The following KCNQ1 variants were observed in gnomAD, a reference collection of about 807,000 sequenced individuals.
KCNQ1 encodes potassium voltage-gated channel subfamily Q member 1.
KCNQ1 carries 49 observed loss-of-function variants against 72.4 expected under a neutral mutation model. That is an observed-to-expected ratio of 0.68 (90% CI 0.54 to 0.86). KCNQ1 has a LOEUF of 0.86. Among genes scored for constraint, KCNQ1 ranks in the 40% least tolerant of loss-of-function variants. The pLI is 0.00. For synonymous variants in KCNQ1, 450 were observed against 412.6 expected (o/e 1.09, Z -1.10); for missense variants, 790 against 945.1 (o/e 0.84, Z 2.15).
rs1849919910 is a variant in KCNQ1, at chr11:2,659,877, T to C, written c.1394-2084T>C. The stretch of plus-strand genomic sequence containing the variant: ...TCATGTGCTTATTTATAATCCATTT[T>C]TAAAATTGGATTGTTCACTTTATTG... On this transcript the variant is annotated intron_variant, in intron 10 of 15. Transcript: ENST00000155840. This position sits in a 1 kb window ranked among gnomAD's most constrained non-coding sequence, Gnocchi z 4.3. 1 of 398,362 alleles carries C rather than the reference T, an allele frequency of 2.5e-6. No individual in the cohort carries two copies. Among genetic ancestry groups the C allele is most frequent in the African/African-American group, 2.1e-5 (1 of 48,640 alleles). The allele number at this position is 398,362 out of a possible 1,614,324, so 24.7% of individuals were successfully genotyped here.
Position 2,592,723 on chromosome 11 carries a change from C to T in KCNQ1, c.1393+3869C>T, listed in dbSNP as rs574823389. Among the ~76,000 whole-genome samples, 1 of 152,306 alleles carries T rather than the reference C, an allele frequency of 6.6e-6. No homozygotes were observed. The highest frequency in any genetic ancestry group is 2.1e-4 in the South Asian group (1 of 4,828). ...CATTGTCTGTGCCCAGCCTGGGGAG[C>T]CTGACACTCACAGCCCGGCTGCTGC... is the stretch of plus-strand genomic sequence containing the variant. On this transcript the variant is annotated intron_variant, in intron 10 of 15. Transcript: ENST00000155840. This position sits in a 1 kb window ranked among gnomAD's most constrained non-coding sequence, Gnocchi z 5.2.
At position 2,669,662 on chromosome 11, in the gene KCNQ1, C is replaced by T. The variant is rs1299664359; in HGVS notation, c.1514+7581C>T. On this transcript the variant is annotated intron_variant, in intron 11 of 15. Transcript: ENST00000155840. The surrounding 1 kb of genome is among the most constrained non-coding windows in gnomAD (Gnocchi z 5.6). Reference sequence around the variant, plus strand: ...TTGTATACATTGGGAGTATATCTCACAGTATTAGTGTAAGGCCTTGAGGAG... The same window carrying T: ...TTGTATACATTGGGAGTATATCTCATAGTATTAGTGTAAGGCCTTGAGGAG... 2.3e-5 allele frequency: 9 copies of T among 398,484 alleles called. No homozygotes were observed. The highest frequency in any genetic ancestry group is 4.4e-5 in the Admixed American group (1 of 22,714). 24.7% of individuals were successfully genotyped at this position (398,484 alleles called of 1,614,324 possible). A position where few individuals can be genotyped will look rare whatever the true frequency, so the allele number is the denominator to read the frequency against.
chr11:2,776,990 G>A lies in KCNQ1; in HGVS notation c.1690G>A (p.Asp564Asn), dbSNP rs764389392. The change falls in exon 14 of 16, where the codon GAC (aspartate) becomes AAC (asparagine). Residue 564 changes from aspartate to asparagine, a missense_variant. By Grantham distance (23) the Asp-to-Asn change is conservative. This residue lies in a region of KCNQ1 where 91 missense variants were observed against 139.1 expected (regional missense o/e 0.65). Coordinates refer to ENST00000155840, the MANE Select transcript of KCNQ1 (RefSeq NM_000218.3). Reference sequence around the variant, plus strand: ...TGTCTGTGTCCTTCTCTCCAGGCTGGACCAGTCCATTGGGAAGCCCTCACT... The same window carrying A: ...TGTCTGTGTCCTTCTCTCCAGGCTGAACCAGTCCATTGGGAAGCCCTCACT... ...VRIKELQRRL[D>N]QSIGKPSLFI... The A allele has an allele frequency of 2.5e-6, 4 of 1,614,150 alleles. No individual in the cohort carries two copies. In the South Asian group the frequency reaches 3.3e-5, roughly 13 times the overall value.
In KCNQ1 at chr11:2,808,380, G is replaced by C. The variant is rs912085468; in HGVS notation, c.1794+30343G>C. Among the ~76,000 whole-genome samples the C allele has an allele frequency of 2.0e-5, 3 of 152,348 alleles. No homozygotes were observed. In the East Asian group the frequency reaches 5.8e-4, roughly 29 times the overall value. On this transcript the variant is annotated intron_variant, in intron 15 of 15. Coordinates refer to ENST00000155840, the MANE Select transcript of KCNQ1 (RefSeq NM_000218.3). This position sits in a 1 kb window ranked among gnomAD's most constrained non-coding sequence, Gnocchi z 6.0. ...GTAATTACAGACCAGGAAAATTACTGTGCAGGAGCAAAGCAGGGCACTGTG... is the reference window on the plus strand; with the variant it reads ...GTAATTACAGACCAGGAAAATTACTCTGCAGGAGCAAAGCAGGGCACTGTG...
At chr11:2,646,637 C>T (rs1057069327) in intron 10 of KCNQ1, 1 of 398,498 alleles carries the variant, frequency 2.5e-6, no homozygotes, top group Non-Finnish European at 4.4e-6. Flanking sequence ...GTGATCCTCC[C>T]ATCTCAGCCT....
At chr11:2,454,792 C>T (rs972346574) in intron 1 of KCNQ1, among the ~76,000 whole-genome samples, 3 of 152,162 alleles carry the variant, frequency 2.0e-5, no homozygotes, top group African/African-American at 7.2e-5. Context: ...CCATCTATGA[C>T]AAACCCATGG....
rs16928694 is a variant in KCNQ1 at position 2,818,385 on chromosome 11, G to A, written c.1795-29382G>A. On this transcript the variant is annotated intron_variant, in intron 15 of 15. Transcript: ENST00000155840. This position sits in a 1 kb window ranked among gnomAD's most constrained non-coding sequence, Gnocchi z 7.2. ...AGCCACCGTCCCAGGTGTGGCTAAG[G>A]CCCCCACAGAGTGTGCATCCTAAGG... 0.051 allele frequency among the ~76,000 whole-genome samples: 7,763 copies of A among 152,260 alleles called. 636 individuals are homozygous for A. The highest frequency in any genetic ancestry group is 0.17 in the African/African-American group (7,179 of 41,522).
chr11:2,709,519 T>C (rs556135462), intron 11 of KCNQ1, among the ~76,000 whole-genome samples: 3 of 152,238 alleles, frequency 2.0e-5, no homozygotes, highest in African/African-American at 7.2e-5. Context: ...CCATTTAAAG[T>C]GTACGATTCA....
intron 11 of KCNQ1, among the ~76,000 whole-genome samples, chr11:2,700,406 C>T (rs893106117): frequency 6.6e-6 from 1 of 152,128 alleles, no homozygotes; most frequent in Non-Finnish European, 1.5e-5. Context: ...GGACAGCGGC[C>T]GCACCCCGAC....
In KCNQ1 at chr11:2,526,846, C is replaced by T. The variant is rs1259693355; in HGVS notation, c.387-1082C>T. Among the ~76,000 whole-genome samples, 1 of 152,040 alleles carries T rather than the reference C, an allele frequency of 6.6e-6. No homozygotes were observed. Among genetic ancestry groups the T allele is most frequent in the African/African-American group, 2.4e-5 (1 of 41,380 alleles). On this transcript the variant is annotated intron_variant, in intron 1 of 15. Coordinates refer to ENST00000155840, the MANE Select transcript of KCNQ1 (RefSeq NM_000218.3). This position sits in a 1 kb window ranked among gnomAD's most constrained non-coding sequence, Gnocchi z 6.1. ...CTCAGGGAGCGGAGGGAGCCTGGGG[C>T]ACCCTATGCCAGGCAGAGGATCTAT...
chr11:2,448,787 C>T (rs1046641488), intron 1 of KCNQ1, among the ~76,000 whole-genome samples: 3 of 152,254 alleles, frequency 2.0e-5, no homozygotes, highest in Admixed American at 6.5e-5. Flanking sequence ...TTGGTCTCAT[C>T]CCCTGGCTGT....
intron 15 of KCNQ1, among the ~76,000 whole-genome samples, chr11:2,842,741 T>C (rs1036485857): frequency 1.3e-5 from 2 of 152,216 alleles, no homozygotes; most frequent in Non-Finnish European, 2.9e-5. Flanking sequence ...CAGGCATACA[T>C]GTGCAACTGT....
At chr11:2,519,705 GA>G (rs1293075847) in intron 1 of KCNQ1, among the ~76,000 whole-genome samples, 2 of 152,072 alleles carry the variant, frequency 1.3e-5, no homozygotes, top group African/African-American at 4.8e-5. Flanking sequence ...TGTTGTTTAA[GA>G]ATTCAAAATC....
In KCNQ1 at chr11:2,498,293, C is replaced by T. The variant is rs556929821; in HGVS notation, c.387-29635C>T. ...TCTGCTGAAGCTGTGCCCACAGCCA[C>T]CCCTTCTCCAGGTGCTCTGTCCCAG... On this transcript the variant is annotated intron_variant, in intron 1 of 15. Coordinates refer to ENST00000155840, the MANE Select transcript of KCNQ1 (RefSeq NM_000218.3). The surrounding 1 kb of genome is among the most constrained non-coding windows in gnomAD (Gnocchi z 4.8). Among the ~76,000 whole-genome samples, 1 of 152,334 alleles carries T rather than the reference C, an allele frequency of 6.6e-6. No individual in the cohort carries two copies. The highest frequency in any genetic ancestry group is 1.9e-4 in the East Asian group (1 of 5,180).
rs794728520 is a variant in KCNQ1, at chr11:2,583,522, A to G, written c.1009A>G (p.Ile337Val). The G allele has an allele frequency of 5.0e-6, 8 of 1,613,660 alleles. No individual in the cohort carries two copies. Among genetic ancestry groups the G allele is most frequent in the African/African-American group, 1.3e-5 (1 of 75,008 alleles). Reference protein sequence around the residue: ...TIASCFSVFAISFFALPAGIL... With the variant: ...TIASCFSVFAVSFFALPAGIL... ...CGCCTCCTGCTTCTCTGTCTTTGCC[A>G]TCTCCTTCTTTGCGCTCCCAGCGGT... The change falls in exon 7 of 16, where the codon ATC (isoleucine) becomes GTC (valine). Residue 337 changes from isoleucine (I) to valine (V), a missense_variant. Physicochemically the swap from Ile to Val is conservative, Grantham distance 29 (BLOSUM62 3). Coordinates refer to ENST00000155840, the MANE Select transcript of KCNQ1 (RefSeq NM_000218.3).
In KCNQ1 at chr11:2,572,025, C is replaced by T. The variant is rs756452212; in HGVS notation, c.696C>T (p.Phe232=). 1 of 1,612,852 alleles carries T rather than the reference C, an allele frequency of 6.2e-7. No individual in the cohort carries two copies. The highest frequency in any genetic ancestry group is 8.5e-7 in the Non-Finnish European group (1 of 1,179,844). The change falls in exon 5 of 16, where the codon TTC becomes TTT. Residue 232 remains phenylalanine, a synonymous_variant. Coordinates refer to ENST00000155840, the MANE Select transcript of KCNQ1 (RefSeq NM_000218.3). ...FATSAIRGIR[F]LQILRMLHVD... ...ATCTCCTTCGCAGGGGCATCCGCTT[C>T]CTGCAGATCCTGAGGATGCTACACG... is the stretch of plus-strand genomic sequence containing the variant.
In KCNQ1 at chr11:2,579,930, A is replaced by G. The variant is rs1295549789; in HGVS notation, c.922-3505A>G. Among the ~76,000 whole-genome samples the G allele has an allele frequency of 6.8e-6, 1 of 147,350 alleles. No homozygotes were observed. The highest frequency in any genetic ancestry group is 1.5e-5 in the Non-Finnish European group (1 of 66,476). On this transcript the variant is annotated intron_variant, in intron 6 of 15. Transcript: ENST00000155840. This position sits in a 1 kb window ranked among gnomAD's most constrained non-coding sequence, Gnocchi z 6.0. ...TACCTCACCTGCTCACCTGACCCCA[A>G]CTCCACTCTGACTTCCAGGCCAGCC...
At position 2,830,028 on chromosome 11, in the gene KCNQ1, A is replaced by AGGAGGAG. The variant is rs375037638; in HGVS notation, c.1795-17730_1795-17724dup. Among the ~76,000 whole-genome samples, 9 of 103,112 alleles carry AGGAGGAG rather than the reference A, an allele frequency of 8.7e-5. No homozygotes were observed. Among genetic ancestry groups the AGGAGGAG allele is most frequent in the Non-Finnish European group, 1.4e-4 (6 of 43,444 alleles). The allele number at this position is 103,112 out of a possible 152,430, so 67.6% of individuals were successfully genotyped here. ...GAGGAAGGAGGAGGAAGGAGGAGGA[A>AGGAGGAG]GGAGGAGGGAGGAGGAAGGAGGAGG... On this transcript the variant is annotated intron_variant, in intron 15 of 15. Coordinates refer to ENST00000155840, the MANE Select transcript of KCNQ1 (RefSeq NM_000218.3). The surrounding 1 kb of genome is among the most constrained non-coding windows in gnomAD (Gnocchi z 7.7).
intron 15 of KCNQ1, among the ~76,000 whole-genome samples, chr11:2,796,900 C>CCTTTATCCCGACCGTA (rs1338278362): frequency 6.6e-6 from 1 of 152,246 alleles, no homozygotes; most frequent in Non-Finnish European, 1.5e-5. Flanking sequence ...ATAAAGGCCG[C>CCTTTATCCCGACCGTA]CTTTATCCCG....
Sources: allele counts gnomAD v4.1 joint callset (sites outside exome capture counted in the v4.1 genomes callset), GRCh38; gene constraint gnomAD v4.1.1; regional missense constraint gnomAD v4.1.1; non-coding constraint Gnocchi (gnomAD v3.1); transcripts MANE v1.5; gene names NCBI Gene and HGNC (gene_info 2026-07-23, HGNC 2026-07-21).